SHANK1: variants seen among roughly 807,000 people sequenced by gnomAD.
SHANK1 encodes the protein SH3 and multiple ankyrin repeat domains protein 1.
SHANK1 carries 35 observed loss-of-function variants against 165.6 expected under a neutral mutation model. That is an observed-to-expected ratio of 0.21 (90% CI 0.16 to 0.28). The LOEUF is 0.28. Among genes scored for constraint, SHANK1 ranks in the 10% least tolerant of loss-of-function variants. The pLI is 1.00. For synonymous variants in SHANK1, 1,428 were observed against 1,384.8 expected (o/e 1.03, Z -0.69); for missense variants, 2,681 against 3,036.4 (o/e 0.88, Z 2.75).
intron 15 of SHANK1, among the ~76,000 whole-genome samples, chr19:50,692,687 T>C (rs1424936168): frequency 6.6e-6 from 1 of 151,600 alleles, no homozygotes; most frequent in Non-Finnish European, 1.5e-5. Flanking sequence ...AACTGCTCTC[T>C]TGCTCCCACA....
intron 23 of SHANK1, among the ~76,000 whole-genome samples, chr19:50,664,199 G>C (rs1315409210): frequency 6.6e-6 from 1 of 151,234 alleles, no homozygotes; most frequent in African/African-American, 2.4e-5. Flanking sequence ...ACATTTGAAG[G>C]TCAGACACAT....
At position 50,719,595 on chromosome 19, in the gene SHANK1, C is replaced by G. The variant is rs2089113890; in HGVS notation, c.-233G>C. ...GGAGGGCCGAGGACCTCACCCCCCC[C>G]GCGGGCCGGGCCTGGCCATCCGCAG... On this transcript the variant is annotated 5_prime_UTR_variant, in exon 1 of 24. Coordinates refer to ENST00000293441, the MANE Select transcript of SHANK1 (RefSeq NM_016148.5). The G allele has an allele frequency of 6.7e-6, 1 of 149,130 alleles. No homozygotes were observed. Among genetic ancestry groups the G allele is most frequent in the African/African-American group, 2.5e-5 (1 of 40,756 alleles). The allele number at this position is 149,130 out of a possible 1,614,324, so 9.2% of individuals were successfully genotyped here.
At chr19:50,706,620 CT>C (rs1005894963) in intron 8 of SHANK1, among the ~76,000 whole-genome samples, 4 of 151,798 alleles carry the variant, frequency 2.6e-5, no homozygotes. Flanking sequence ...GCTCCCTCTG[CT>C]TGGAATCCTT....
Position 50,668,546 on chromosome 19 carries a change from C to G in SHANK1, c.3414G>C (p.Pro1138=). 7.4e-7 allele frequency: 1 copy of G among 1,348,480 alleles called. No individual in the cohort carries two copies. Among genetic ancestry groups the G allele is most frequent in the Non-Finnish European group, 9.5e-7 (1 of 1,051,008 alleles). 83.5% of individuals were successfully genotyped at this position (1,348,480 alleles called of 1,614,324 possible). Residue 1138 remains proline, a synonymous_variant, in exon 23 of 24, where the codon CCG becomes CCC. Transcript: ENST00000293441. ...GCGCGGCCACGGCGGGCGGCGGCTGCGGGGAGGCCGGGGACGTGGGCGACG... is the reference window on the plus strand; with the variant it reads ...GCGCGGCCACGGCGGGCGGCGGCTGGGGGGAGGCCGGGGACGTGGGCGACG... ...PAPSPTSPAS[P]QPPPAVAAPS...
At chr19:50,685,101 A>G (rs1986292309) in intron 21 of SHANK1, among the ~76,000 whole-genome samples, 1 of 152,218 alleles carries the variant, frequency 6.6e-6, no homozygotes, top group Non-Finnish European at 1.5e-5. Flanking sequence ...GGGACTGGGC[A>G]GAGAAGAAGG....
chr19:50,673,814 CTT>C (rs35868452), intron 21 of SHANK1, among the ~76,000 whole-genome samples: 55 of 144,422 alleles, frequency 3.8e-4, no homozygotes, highest in East Asian at 8.2e-4. Context: ...AAAATTTAAA[CTT>C]TTTTTTTTTT....
intron 12 of SHANK1, among the ~76,000 whole-genome samples, chr19:50,700,914 A>C (rs1214642531): frequency 6.6e-6 from 1 of 152,044 alleles, no homozygotes; most frequent in Non-Finnish European, 1.5e-5. Flanking sequence ...TTCACTCAAC[A>C]TATGTGCATT....
chr19:50,697,178 C>T lies in SHANK1; in HGVS notation c.1938-56G>A, dbSNP rs183968820. On this transcript the variant is annotated intron_variant, in intron 14 of 23. Coordinates refer to ENST00000293441, the MANE Select transcript of SHANK1 (RefSeq NM_016148.5). This position sits in a 1 kb window ranked among gnomAD's most constrained non-coding sequence, Gnocchi z 4.7. Reference sequence around the variant, plus strand: ...AGGGGAAAGGTGTCAGTGCACCCATCTCCTCACCCCAATCCCACCCAGCCC... The same window carrying T: ...AGGGGAAAGGTGTCAGTGCACCCATTTCCTCACCCCAATCCCACCCAGCCC... 181 of 1,613,908 alleles carry T rather than the reference C, an allele frequency of 1.1e-4. No individual in the cohort carries two copies. In the African/African-American group the frequency reaches 2.3e-3, roughly 21 times the overall value.
chr19:50,661,914 C>T lies in SHANK1; in HGVS notation c.*51G>A. The T allele has an allele frequency of 1.2e-6, 2 of 1,601,510 alleles. No homozygotes were observed. The highest frequency in any genetic ancestry group is 2.2e-5 in the East Asian group (1 of 44,778). ...CAGTCAGGGGTCAGAGGTCAAGAGG[C>T]CAGCAGGCTCAAGAGTTCTGTGGAC... On this transcript the variant is annotated 3_prime_UTR_variant, in exon 24 of 24. Transcript: ENST00000293441.
At chr19:50,663,936 C>CT (rs1279745841) in intron 23 of SHANK1, among the ~76,000 whole-genome samples, 4 of 70,790 alleles carry the variant, frequency 5.7e-5, no homozygotes, top group African/African-American at 2.0e-4. Context: ...CTCTCTCTCT[C>CT]TCTCTTTTTT....
Position 50,668,048 on chromosome 19 carries a change from C to G in SHANK1, c.3912G>C (p.Ala1304=), listed in dbSNP as rs1985620739. The G allele has an allele frequency of 6.8e-7, 1 of 1,479,370 alleles. No individual in the cohort carries two copies. The highest frequency in any genetic ancestry group is 8.9e-7 in the Non-Finnish European group (1 of 1,120,406). 91.6% of individuals were successfully genotyped at this position (1,479,370 alleles called of 1,614,324 possible). A position where few individuals can be genotyped will look rare whatever the true frequency, so the allele number is the denominator to read the frequency against. The change falls in exon 23 of 24, where the codon GCG becomes GCC. Residue 1304 remains alanine, a synonymous_variant. Coordinates refer to ENST00000293441, the MANE Select transcript of SHANK1 (RefSeq NM_016148.5). ...AGCCGCCGTAGCCCGCGCCGCTGCC[C>G]GCAGACTCCAGTCGGAGGTAGGGCT... The part of the protein sequence containing the change: ...SAEPYLRLES[A]GSGAGYGGYG...
Position 50,661,608 on chromosome 19 carries a change from G to T in SHANK1, c.*357C>A, listed in dbSNP as rs1985227014. On this transcript the variant is annotated 3_prime_UTR_variant, in exon 24 of 24. Transcript: ENST00000293441. ...CACCCCCTTCCCCTGCGGCCTGGGG[G>T]ACAGTCCCCATCCAATCGGGCTCAG... Among the ~76,000 whole-genome samples the T allele has an allele frequency of 6.6e-6, 1 of 151,980 alleles. No homozygotes were observed. Among genetic ancestry groups the T allele is most frequent in the Admixed American group, 6.6e-5 (1 of 15,252 alleles).
Position 50,717,590 on chromosome 19 carries a change from G to C in SHANK1, c.-43-628C>G, listed in dbSNP as rs1384967119. On this transcript the variant is annotated intron_variant, in intron 1 of 23. Coordinates refer to ENST00000293441, the MANE Select transcript of SHANK1 (RefSeq NM_016148.5). The surrounding 1 kb of genome is among the most constrained non-coding windows in gnomAD (Gnocchi z 5.5). Reference sequence around the variant, plus strand: ...GGGGAGCAAGGGGCACTGAGATGGGGGTGTCATGGGCAGAGCATTTGGCCT... The same window carrying C: ...GGGGAGCAAGGGGCACTGAGATGGGCGTGTCATGGGCAGAGCATTTGGCCT... Among the ~76,000 whole-genome samples, 1 of 152,176 alleles carries C rather than the reference G, an allele frequency of 6.6e-6. No homozygotes were observed. The highest frequency in any genetic ancestry group is 1.5e-5 in the Non-Finnish European group (1 of 68,034).
At chr19:50,687,826 G>T (rs1986406272) in intron 18 of SHANK1, 97 bp downstream of exon 18, 1 of 1,509,594 alleles carries the variant, frequency 6.6e-7, no homozygotes, top group African/African-American at 1.4e-5. Flanking sequence ...CAGTGCTAGG[G>T]AAGGGAAGGC....
chr19:50,702,516 C>A lies in SHANK1; in HGVS notation c.1698G>T (p.Gln566His). Residue 566 changes from glutamine (Q) to histidine (H), a missense_variant, in exon 12 of 24, where the codon CAG (glutamine) becomes CAT (histidine). Physicochemically the swap from Gln to His is conservative, Grantham distance 24 (BLOSUM62 0). Around this residue, in one of 10 missense-constraint regions of SHANK1, gnomAD observed 195 missense variants for 186.2 expected, o/e 1.05. Transcript: ENST00000293441. This position sits in a 1 kb window ranked among gnomAD's most constrained non-coding sequence, Gnocchi z 5.3. ...GRSFMAVKSY[Q>H]AQAEGEISLS... Reference sequence around the variant, plus strand: ...GGGAGATCTCCCCCTCGGCTTGGGCCTGGTAGGACTTCACAGCCATGAAGG... The same window carrying A: ...GGGAGATCTCCCCCTCGGCTTGGGCATGGTAGGACTTCACAGCCATGAAGG... The A allele has an allele frequency of 6.2e-7, 1 of 1,613,394 alleles. No homozygotes were observed. The highest frequency in any genetic ancestry group is 8.5e-7 in the Non-Finnish European group (1 of 1,179,898).
Position 50,716,979 on chromosome 19 carries a change from C to G in SHANK1, c.-43-17G>C. ...CACAGGCGGCTGCAGGGGCCAAGGGCGGCCATCAGACTAGGAGCCCGGGAC... is the reference window on the plus strand; with the variant it reads ...CACAGGCGGCTGCAGGGGCCAAGGGGGGCCATCAGACTAGGAGCCCGGGAC... On this transcript the variant is annotated splice_polypyrimidine_tract_variant and intron_variant, in intron 1 of 23. Transcript: ENST00000293441. The surrounding 1 kb of genome is among the most constrained non-coding windows in gnomAD (Gnocchi z 8.4). The G allele has an allele frequency of 7.2e-7, 1 of 1,394,742 alleles. No homozygotes were observed. The highest frequency in any genetic ancestry group is 9.3e-7 in the Non-Finnish European group (1 of 1,078,486). 86.4% of individuals were successfully genotyped at this position (1,394,742 alleles called of 1,614,324 possible).
At chr19:50,704,556 A>G (rs1255021598) in intron 8 of SHANK1, 42 bp from the exon 9 acceptor site, 4 of 1,545,396 alleles carry the variant, frequency 2.6e-6, no homozygotes, top group African/African-American at 1.4e-5. Flanking sequence ...GAGAGAGAGA[A>G]AAAATTAAGA....
chr19:50,689,302 GGGGGGGTGGT>G, intron 15 of SHANK1, 23 bp from the exon 16 acceptor site: 6 of 1,518,672 alleles, frequency 4.0e-6, no homozygotes, highest in Non-Finnish European at 5.5e-6. Flanking sequence ...CAGGAGAAAT[GGGGGGGTGGT>G]GGGGGGAGTG....
chr19:50,719,037 C>T (rs540781594), intron 1 of SHANK1, among the ~76,000 whole-genome samples: 3,174 of 136,442 alleles, frequency 0.023, 54 homozygotes, highest in Admixed American at 0.035. Context: ...GGTGACCTGG[C>T]GGAGGGGCCC....
Sources: gnomAD v4.1 joint callset for allele counts (sites outside exome capture counted in the v4.1 genomes callset) on GRCh38, gnomAD v4.1.1 for gene constraint, gnomAD v4.1.1 regional missense constraint, Gnocchi (gnomAD v3.1) non-coding constraint, MANE v1.5 for transcripts, NCBI Gene and HGNC (gene_info 2026-07-23, HGNC 2026-07-21) for gene names.